The following DPY19L2 variants were observed in gnomAD, a reference collection of about 807,000 sequenced individuals.
DPY19L2 encodes the protein dpy-19 like 2.
Under a neutral mutation model 97.9 loss-of-function variants are expected in DPY19L2, and 34 were observed. The ratio of observed to expected loss-of-function variants is 0.35; its 90% CI spans 0.26 to 0.46. The LOEUF (loss-of-function observed/expected upper bound fraction) is 0.46. Among genes scored for constraint, DPY19L2 ranks in the 20% least tolerant of loss-of-function variants. DPY19L2 has a pLI of 1.00. For missense variants in DPY19L2, 623 were observed against 911.4 expected (o/e 0.68, Z 4.07); for synonymous variants, 230 against 307.9 (o/e 0.75, Z 2.65).
chr12:63,634,309 A>G (rs35612008), intron 6 of DPY19L2, among the ~76,000 whole-genome samples: 1 of 152,152 alleles, frequency 6.6e-6, no homozygotes, highest in Non-Finnish European at 1.5e-5. Flanking sequence ...AACATGTAAG[A>G]TATGAAAGGA....
intron 19 of DPY19L2, among the ~76,000 whole-genome samples, chr12:63,572,366 G>A (rs1879027774): frequency 6.6e-6 from 1 of 152,150 alleles, no homozygotes; most frequent in African/African-American, 2.4e-5. Flanking sequence ...GGGTGGGAAG[G>A]ACTTTGTCTG....
intron 4 of DPY19L2, among the ~76,000 whole-genome samples, chr12:63,650,896 G>A (rs200179544): frequency 3.6e-5 from 5 of 140,810 alleles, no homozygotes; most frequent in African/African-American, 1.4e-4. Flanking sequence ...AAATAAATAA[G>A]TAAATAAAAT....
chr12:63,611,409 C>T (rs1171471267), intron 11 of DPY19L2, among the ~76,000 whole-genome samples: 1 of 151,252 alleles, frequency 6.6e-6, no homozygotes, highest in Non-Finnish European at 1.5e-5. Flanking sequence ...GTAAACATTG[C>T]CAAGCCTGCA....
chr12:63,632,676 G>C (rs1226332352), intron 6 of DPY19L2, among the ~76,000 whole-genome samples: 2 of 152,090 alleles, frequency 1.3e-5, no homozygotes, highest in Non-Finnish European at 2.9e-5. Context: ...TCCCCATCAA[G>C]CTACCAATGA....
At chr12:63,642,737 T>A (rs1892876020) in intron 6 of DPY19L2, among the ~76,000 whole-genome samples, 1 of 151,770 alleles carries the variant, frequency 6.6e-6, no homozygotes, top group African/African-American at 2.4e-5. Flanking sequence ...ATAGTGCAAA[T>A]CCTCCTTTTT....
At chr12:63,649,164 G>A (rs1324272273) in intron 4 of DPY19L2, among the ~76,000 whole-genome samples, 4 of 152,084 alleles carry the variant, frequency 2.6e-5, no homozygotes, top group African/African-American at 7.2e-5. Flanking sequence ...CAGGATTGCT[G>A]GAACACAGCT....
chr12:63,631,297 T>A (rs577244960), intron 6 of DPY19L2, among the ~76,000 whole-genome samples: 1 of 151,678 alleles, frequency 6.6e-6, no homozygotes, highest in East Asian at 1.9e-4. Flanking sequence ...TTGGGAAAGA[T>A]CAACAAAACT....
intron 6 of DPY19L2, among the ~76,000 whole-genome samples, chr12:63,630,429 A>C (rs555768766): frequency 1.3e-4 from 20 of 152,286 alleles, no homozygotes; most frequent in African/African-American, 4.8e-4. Context: ...AGTCTCTGAT[A>C]AAACAGACTT....
At chr12:63,629,672 T>C (rs1276090112) in intron 6 of DPY19L2, among the ~76,000 whole-genome samples, 3 of 152,178 alleles carry the variant, frequency 2.0e-5, no homozygotes, top group African/African-American at 7.2e-5. Context: ...ACTTCCCCAG[T>C]CTAGCAAGGC....
At chr12:63,642,429 C>T (rs190070492) in intron 6 of DPY19L2, among the ~76,000 whole-genome samples, 139 of 152,088 alleles carry the variant, frequency 9.1e-4, no homozygotes, top group South Asian at 4.8e-3. Flanking sequence ...CTATATTATA[C>T]GCTGAACATT....
rs1592619737 is a variant in DPY19L2 at position 63,625,785 on chromosome 12, G to C, written c.861+684C>G. On this transcript the variant is annotated intron_variant, in intron 7 of 21. Transcript: ENST00000324472. ...TCATTGTTGTTAAGGGGAGTGCAAT[G>C]TATACAAAGTTTCAGTTAGGCAAGA... Among the ~76,000 whole-genome samples the C allele has an allele frequency of 2.0e-5, 3 of 152,166 alleles. No homozygotes were observed. The East Asian group carries it at 5.8e-4, about 29-fold the overall frequency.
At chr12:63,620,218 T>C (rs563467936) in intron 9 of DPY19L2, 8 of 286,512 alleles carry the variant, frequency 2.8e-5, no homozygotes, top group East Asian at 1.0e-4. Context: ...ACTAGTTATG[T>C]AGTTGCTTTA....
At chr12:63,614,283 T>C (rs10878062) in intron 11 of DPY19L2, among the ~76,000 whole-genome samples, 29,025 of 150,808 alleles carry the variant, frequency 0.19, 4,138 homozygotes, top group African/African-American at 0.42. Context: ...AAGTAAAAGG[T>C]GACAAAACAA....
At chr12:63,598,403 C>T (rs1156379090) in intron 13 of DPY19L2, among the ~76,000 whole-genome samples, 14 of 152,184 alleles carry the variant, frequency 9.2e-5, no homozygotes, top group East Asian at 1.9e-4. Context: ...AATATGAGAC[C>T]TGATCCTCAT....
At chr12:63,618,733 A>G (rs1159337509) in intron 9 of DPY19L2, among the ~76,000 whole-genome samples, 1 of 151,952 alleles carries the variant, frequency 6.6e-6, no homozygotes, top group South Asian at 2.1e-4. Flanking sequence ...GATCATCTCA[A>G]TCTGATTGCA....
At position 63,668,163 on chromosome 12, in the gene DPY19L2, A is replaced by C; in HGVS notation, c.231T>G (p.Phe77Leu). The change falls in exon 1 of 22, where the codon TTT becomes TTG. Residue 77 changes from phenylalanine to leucine, a missense_variant. This residue lies in a region of DPY19L2 where 144 missense variants were observed against 119.4 expected (regional missense o/e 1.21). Coordinates refer to ENST00000324472, the MANE Select transcript of DPY19L2 (RefSeq NM_173812.5). Reference sequence around the variant, plus strand: ...GGACGAACTGGAAGGGGCCGAGAAGAAAGGTCTTGGCCACCACCTCTAGCT... The same window carrying C: ...GGACGAACTGGAAGGGGCCGAGAAGCAAGGTCTTGGCCACCACCTCTAGCT... ...GLELEVVAKT[F>L]LLGPFQFVRN... 1 of 1,613,826 alleles carries C rather than the reference A, an allele frequency of 6.2e-7. No individual in the cohort carries two copies. The highest frequency in any genetic ancestry group is 1.3e-5 in the African/African-American group (1 of 74,936).
In DPY19L2 at chr12:63,594,540, GTA is replaced by G. The variant is rs777852500; in HGVS notation, c.1534-409_1534-408del. 5.8e-4 allele frequency among the ~76,000 whole-genome samples: 87 copies of G among 149,510 alleles called. No individual in the cohort carries two copies. In the East Asian group the frequency reaches 0.014, roughly 24 times the overall value. On this transcript the variant is annotated intron_variant, in intron 15 of 21. Coordinates refer to ENST00000324472, the MANE Select transcript of DPY19L2 (RefSeq NM_173812.5). ...GATTTGTGTGTGTGTGTGTATGTGT[GTA>G]TGTGTGTATGAAACCTGGCTAGCTG...
intron 1 of DPY19L2, chr12:63,666,616 C>T: frequency 6.7e-6 from 2 of 298,492 alleles, no homozygotes; most frequent in South Asian, 6.3e-5. Context: ...ACAAACTTTG[C>T]TTTTCTTATA....
intron 12 of DPY19L2, among the ~76,000 whole-genome samples, chr12:63,606,918 T>C (rs1886134524): frequency 6.6e-6 from 1 of 152,176 alleles, no homozygotes; most frequent in African/African-American, 2.4e-5. Flanking sequence ...CTTGCTTCTA[T>C]TGACATTAAA....
Sources: gnomAD v4.1 joint callset for allele counts (sites outside exome capture counted in the v4.1 genomes callset) on GRCh38, gnomAD v4.1.1 for gene constraint, gnomAD v4.1.1 regional missense constraint, MANE v1.5 for transcripts, NCBI Gene and HGNC (gene_info 2026-07-23, HGNC 2026-07-21) for gene names.